PTPN9: variants seen among roughly 807,000 people sequenced by gnomAD.
The protein encoded by PTPN9 is protein tyrosine phosphatase non-receptor type 9.
PTPN9 carries 26 observed loss-of-function variants against 69.8 expected under a neutral mutation model. That is an observed-to-expected ratio of 0.37 (90% confidence interval 0.27 to 0.52). The LOEUF (loss-of-function observed/expected upper bound fraction) is 0.52, where lower values mean the gene tolerates loss of function less well. Among genes scored for constraint, PTPN9 ranks in the 20% least tolerant of loss-of-function variants. The probability of loss-of-function intolerance (pLI) is 0.91; values close to 1 mark genes in which losing one functional copy is unlikely to be tolerated. For synonymous variants in PTPN9, 274 were observed against 272.5 expected (o/e 1.01, Z -0.05); for missense variants, 549 against 740.3 (o/e 0.74, Z 3.00).
rs546197277 is a variant in PTPN9, at chr15:75,480,641, C to G, written c.1063-727G>C. 6,524 of 1,214,878 alleles carry G rather than the reference C, an allele frequency of 5.4e-3. 325 individuals are homozygous for G. In the Admixed American group the frequency reaches 0.12, roughly 23 times the overall value. The allele number at this position is 1,214,878 out of a possible 1,614,324, so 75.3% of individuals were successfully genotyped here. ...CCGGGACAGTCGCGGCGCTGACGCC[C>G]GCGGGCCCCAGCTGCAGATATGAAG... On this transcript the variant is annotated intron_variant, in intron 8 of 12. Transcript: ENST00000618819.
intron 7 of PTPN9, 88 bp downstream of exon 7, chr15:75,505,587 A>C: frequency 1.0e-6 from 1 of 965,800 alleles, no homozygotes; most frequent in Non-Finnish European, 1.6e-6. Context: ...GGTCTCTGCT[A>C]AGCAAGTGAG....
Position 75,468,712 on chromosome 15 carries a change from CGGTGTCCAG to C in PTPN9, c.*48_*56del. On this transcript the variant is annotated 3_prime_UTR_variant, in exon 13 of 13. Transcript: ENST00000618819. ...AACTGATGGCAACCTATAGGCTCAG[CGGTGTCCAG>C]GGTAGTTTAAGGAAGGCTGGCCAAC... 2 of 1,489,066 alleles carry C rather than the reference CGGTGTCCAG, an allele frequency of 1.3e-6. 1 individual carries two copies. Among genetic ancestry groups the C allele is most frequent in the South Asian group, 2.4e-5 (2 of 83,706 alleles). 92.2% of individuals were successfully genotyped at this position (1,489,066 alleles called of 1,614,324 possible).
Position 75,467,159 on chromosome 15 carries a change from A to C in PTPN9, c.*1610T>G, listed in dbSNP as rs573816280. 2 of 152,780 alleles carry C rather than the reference A, an allele frequency of 1.3e-5. No individual in the cohort carries two copies. Among genetic ancestry groups the C allele is most frequent in the African/African-American group, 4.8e-5 (2 of 41,580 alleles). The allele number at this position is 152,780 out of a possible 1,614,324, so 9.5% of individuals were successfully genotyped here. On this transcript the variant is annotated 3_prime_UTR_variant, in exon 13 of 13. Transcript: ENST00000618819. ...TCGGTATATTTATATGTAAATACAA[A>C]ACTGTATCACTGTAAGATATTGAAT...
At chr15:75,471,982 T>C (rs1300828017) in intron 10 of PTPN9, among the ~76,000 whole-genome samples, 2 of 151,872 alleles carry the variant, frequency 1.3e-5, no homozygotes, top group Admixed American at 1.3e-4. Flanking sequence ...CACCCTCCAG[T>C]GGCCCCAAAG....
chr15:75,468,931 G>A lies in PTPN9; in HGVS notation c.1620C>T (p.Thr540=), dbSNP rs750673882. 1.1e-5 allele frequency: 17 copies of A among 1,614,058 alleles called. No individual in the cohort carries two copies. Residue 540 remains threonine, a synonymous_variant, in exon 13 of 13, where the codon ACC becomes ACT. Coordinates refer to ENST00000618819, the MANE Select transcript of PTPN9 (RefSeq NM_002833.4). ...GTGACACCGTCTGGAACACATTAAG[G>A]GTGCCAAGCTCCTCCAGCTGTGCCA... ...ICLAQLEELG[T]LNVFQTVSRM...
chr15:75,501,658 A>G (rs1434082339), intron 7 of PTPN9, among the ~76,000 whole-genome samples: 1 of 151,788 alleles, frequency 6.6e-6, no homozygotes, highest in Non-Finnish European at 1.5e-5. Flanking sequence ...GGGTCTTGCT[A>G]TGCTGCTCAG....
At chr15:75,536,954 GATGA>G (rs1452878349) in intron 1 of PTPN9, among the ~76,000 whole-genome samples, 1 of 152,142 alleles carries the variant, frequency 6.6e-6, no homozygotes, top group Non-Finnish European at 1.5e-5. Flanking sequence ...AAATATCTAT[GATGA>G]ATGAATGAAT....
rs2141665705 is a variant in PTPN9 at position 75,464,414 on chromosome 15, A to C, written c.*4355T>G. ...GAGACTCTGTCTCTGAAAGTAAAAA[A>C]AATGAAAAGTGGGGAGTGCTAGTGG... On this transcript the variant is annotated 3_prime_UTR_variant, in exon 13 of 13. Transcript: ENST00000618819. The C allele has an allele frequency of 6.6e-6, 1 of 152,402 alleles. No individual in the cohort carries two copies. The highest frequency in any genetic ancestry group is 2.1e-4 in the South Asian group (1 of 4,828). The allele number at this position is 152,402 out of a possible 1,614,324, so 9.4% of individuals were successfully genotyped here.
chr15:75,485,462 G>A (rs373819546), intron 8 of PTPN9, among the ~76,000 whole-genome samples: 2 of 137,598 alleles, frequency 1.5e-5, no homozygotes, highest in East Asian at 2.2e-4. Context: ...TCCGCTTCCC[G>A]GGTTCACGCC....
At chr15:75,578,687 C>G in intron 1 of PTPN9, 27 bp downstream of exon 1, 2 of 1,365,690 alleles carry the variant, frequency 1.5e-6, no homozygotes, top group Non-Finnish European at 1.9e-6. Context: ...CGGACACACC[C>G]AACGCGGCGG....
rs1304006830 is a variant in PTPN9, at chr15:75,467,808, G to A, written c.*961C>T. 6.6e-6 allele frequency: 1 copy of A among 152,632 alleles called. No homozygotes were observed. Among genetic ancestry groups the A allele is most frequent in the African/African-American group, 2.4e-5 (1 of 41,442 alleles). 9.5% of individuals were successfully genotyped at this position (152,632 alleles called of 1,614,324 possible). On this transcript the variant is annotated 3_prime_UTR_variant, in exon 13 of 13. Coordinates refer to ENST00000618819, the MANE Select transcript of PTPN9 (RefSeq NM_002833.4). ...CTGGGATAGTGAAAGCAAAGAGAGA[G>A]TATGGAATCACAGTGGAGGTCTGTT... is the stretch of plus-strand genomic sequence containing the variant.
chr15:75,546,374 T>G (rs959273929), intron 1 of PTPN9, among the ~76,000 whole-genome samples: 2 of 152,186 alleles, frequency 1.3e-5, no homozygotes, highest in South Asian at 4.1e-4. Flanking sequence ...CCAGGCGCAG[T>G]GCCTCACGCC....
intron 1 of PTPN9, among the ~76,000 whole-genome samples, chr15:75,530,416 A>G (rs1291112395): frequency 9.3e-6 from 1 of 108,002 alleles, no homozygotes; most frequent in Non-Finnish European, 1.7e-5. Flanking sequence ...TTATATTATT[A>G]TATATTATAT....
Position 75,578,802 on chromosome 15 carries a change from CA to C in PTPN9, c.-27del. 1 of 1,219,804 alleles carries C rather than the reference CA, an allele frequency of 8.2e-7. No individual in the cohort carries two copies. Among genetic ancestry groups the C allele is most frequent in the Non-Finnish European group, 1.0e-6 (1 of 979,814 alleles). The allele number at this position is 1,219,804 out of a possible 1,614,324, so 75.6% of individuals were successfully genotyped here. On this transcript the variant is annotated 5_prime_UTR_variant, in exon 1 of 13. Transcript: ENST00000618819. ...CCCCCCGCCACCGCCGCCGGGCGGA[CA>C]AAACTCGCTCGCGAGCGCGGGAGCC... is the stretch of plus-strand genomic sequence containing the variant.
intron 5 of PTPN9, among the ~76,000 whole-genome samples, chr15:75,515,409 AGTG>A (rs2074864337): frequency 7.3e-6 from 1 of 136,216 alleles, no homozygotes; most frequent in Non-Finnish European, 1.5e-5. Flanking sequence ...CCTGGGCGAC[AGTG>A]CGAGACTCCG....
chr15:75,519,613 C>T (rs1460964219), intron 4 of PTPN9, among the ~76,000 whole-genome samples: 2 of 151,886 alleles, frequency 1.3e-5, no homozygotes, highest in African/African-American at 4.8e-5. Context: ...ATCTTTACTC[C>T]TTTTTCTTAT....
intron 7 of PTPN9, among the ~76,000 whole-genome samples, chr15:75,495,467 C>CT (rs948559041): frequency 2.6e-5 from 4 of 152,320 alleles, no homozygotes; most frequent in Non-Finnish European, 5.9e-5. Context: ...AATCCCAGCA[C>CT]TTTGGGAGGC....
At chr15:75,481,295 T>A (rs2074632563) in intron 8 of PTPN9, among the ~76,000 whole-genome samples, 1 of 80,896 alleles carries the variant, frequency 1.2e-5, no homozygotes, top group Admixed American at 1.3e-4. Flanking sequence ...ATCTGGGAAG[T>A]GAGGAGCGTC....
chr15:75,532,603 T>C (rs1448539817), intron 1 of PTPN9, among the ~76,000 whole-genome samples: 2 of 152,176 alleles, frequency 1.3e-5, no homozygotes, highest in Non-Finnish European at 2.9e-5. Flanking sequence ...CTGGTCAGGA[T>C]GTTATTCTTG....
Sources: allele counts gnomAD v4.1 joint callset (sites outside exome capture counted in the v4.1 genomes callset), GRCh38; gene constraint gnomAD v4.1.1; transcripts MANE v1.5; gene names NCBI Gene and HGNC (gene_info 2026-07-23, HGNC 2026-07-21).